Variants in HEG1 observed in about 807,000 individuals in gnomAD.
The protein encoded by HEG1 is protein HEG homolog 1.
HEG1 carries 56 observed loss-of-function variants against 125.6 expected under a neutral mutation model. That is an observed-to-expected ratio of 0.45 (90% CI 0.36 to 0.56). The LOEUF (loss-of-function observed/expected upper bound fraction) is 0.56, where lower values mean the gene tolerates loss of function less well. Among genes scored for constraint, HEG1 ranks in the 20% least tolerant of loss-of-function variants. HEG1 has a pLI of 0.00. For synonymous variants in HEG1, 644 were observed against 668.5 expected, an observed-to-expected ratio of 0.96 and a Z score of 0.57; for missense variants, 1,523 against 1,670.0, an observed-to-expected ratio of 0.91 and a Z score of 1.53.
At chr3:125,040,498 G>A (rs921341382) in intron 1 of HEG1, among the ~76,000 whole-genome samples, 4 of 152,162 alleles carry the variant, frequency 2.6e-5, no homozygotes, top group African/African-American at 9.7e-5. Context: ...GTAAGACACT[G>A]ATGCTCAGCT....
chr3:125,052,214 A>G lies in HEG1; in HGVS notation c.316+3361T>C, dbSNP rs186925031. Among the ~76,000 whole-genome samples the G allele has an allele frequency of 3.5e-4, 51 of 147,130 alleles. 1 individual carries two copies. The East Asian group carries it at 9.3e-3, about 27-fold the overall frequency. ...GGAATCCCCACTACCACCACCCCCA[A>G]GCCTCCGCCAGGAGTGAGGTAGCCG... On this transcript the variant is annotated intron_variant, in intron 1 of 16. Coordinates refer to ENST00000311127, the MANE Select transcript of HEG1 (RefSeq NM_020733.2).
rs77828526 is a variant in HEG1 at position 125,043,492 on chromosome 3, A to T, written c.316+12083T>A. On this transcript the variant is annotated intron_variant, in intron 1 of 16. Coordinates refer to ENST00000311127, the MANE Select transcript of HEG1 (RefSeq NM_020733.2). ...CAGAAGATTCCCAGTTGGTTAAATA[A>T]GTGAACAAAAAGGCTTTCTGCAGGG... 6.8e-3 allele frequency among the ~76,000 whole-genome samples: 1,031 copies of T among 152,288 alleles called. 10 individuals carry two copies. The highest frequency in any genetic ancestry group is 0.024 in the African/African-American group (991 of 41,552).
At chr3:124,970,957 T>C in intron 16 of HEG1, 156 bp from the exon 17 acceptor site, 1 of 694,258 alleles carries the variant, frequency 1.4e-6, no homozygotes, top group Non-Finnish European at 2.4e-6. Context: ...TTTTAAAGTA[T>C]CTTTCTCTCT....
Position 124,970,786 on chromosome 3 carries a change from T to A in HEG1, c.4012A>T (p.Asn1338Tyr), listed in dbSNP as rs922426827. 3 of 1,609,500 alleles carry A rather than the reference T, an allele frequency of 1.9e-6. No homozygotes were observed. Among genetic ancestry groups the A allele is most frequent in the Non-Finnish European group, 2.5e-6 (3 of 1,178,054 alleles). ...DVYYSPTSVRNPELERNGLYP... is the reference protein window; with the variant it reads ...DVYYSPTSVRYPELERNGLYP... ...AGTCCGTTTCGTTCAAGTTCTGGAT[T>A]CCTTACACTTGTAGGCTGGTTGCCA... Residue 1338 changes from asparagine (N) to tyrosine (Y), a missense_variant, in exon 17 of 17, where the codon AAT becomes TAT. Physicochemically the swap from Asn to Tyr is moderately radical, Grantham distance 143 (BLOSUM62 -2). Coordinates refer to ENST00000311127, the MANE Select transcript of HEG1 (RefSeq NM_020733.2).
chr3:125,001,918 C>T lies in HEG1; in HGVS notation c.3451G>A (p.Val1151Ile). The T allele has an allele frequency of 6.2e-7, 1 of 1,613,888 alleles. No homozygotes were observed. Among genetic ancestry groups the T allele is most frequent in the Non-Finnish European group, 8.5e-7 (1 of 1,179,850 alleles). ...TCAGCAGAGGACTTGCAGGAGTTGA[C>T]ACATTTCTGCATCCTATCAGCCAGG... ...FDLADRMQKC[V>I]NSCKSSAEVC... The change falls in exon 11 of 17, where the codon GTC becomes ATC. Residue 1151 changes from valine to isoleucine, a missense_variant. Transcript: ENST00000311127.
chr3:125,021,094 C>A lies in HEG1; in HGVS notation c.950G>T (p.Gly317Val). Residue 317 changes from glycine (G) to valine (V), a missense_variant, in exon 4 of 17, where the codon GGC becomes GTC. Coordinates refer to ENST00000311127, the MANE Select transcript of HEG1 (RefSeq NM_020733.2). ...ESTEKLNNST[G>V]LQSSSVSQTK... ...TTGACTGACTGAGGAGCTCTGGAGG[C>A]CAGTGGAGTTGTTAAGCTTCTCTGT... The A allele has an allele frequency of 3.1e-6, 5 of 1,590,778 alleles. No homozygotes were observed. Among genetic ancestry groups the A allele is most frequent in the Non-Finnish European group, 4.3e-6 (5 of 1,167,718 alleles).
intron 14 of HEG1, among the ~76,000 whole-genome samples, chr3:124,983,346 C>A (rs1165154735): frequency 6.6e-6 from 1 of 151,428 alleles, no homozygotes; most frequent in East Asian, 1.9e-4. Context: ...ATTTTTTAAT[C>A]TTTTTTTTGA....
At chr3:125,035,110 G>T (rs1045851521) in intron 1 of HEG1, among the ~76,000 whole-genome samples, 4 of 152,092 alleles carry the variant, frequency 2.6e-5, no homozygotes, top group Admixed American at 6.5e-5. Flanking sequence ...GATTACAGGT[G>T]TGCCATCACA....
intron 14 of HEG1, among the ~76,000 whole-genome samples, chr3:124,981,912 A>T (rs1936662236): frequency 6.7e-6 from 1 of 148,768 alleles, no homozygotes; most frequent in Non-Finnish European, 1.5e-5. Flanking sequence ...ACACATACAT[A>T]TTTTTTTTTT....
chr3:125,029,487 A>C lies in HEG1; in HGVS notation c.318T>G (p.Asp106Glu). 1.9e-6 allele frequency: 3 copies of C among 1,593,152 alleles called. No homozygotes were observed. Among genetic ancestry groups the C allele is most frequent in the Non-Finnish European group, 2.6e-6 (3 of 1,174,498 alleles). The stretch of plus-strand genomic sequence containing the variant: ...TTTCTGGCCAATGTTTCCAGGCAGC[A>C]TCTGAAAGAAGAAGAGGATGCATCA... ...SGRAPRGGSA[D>E]AAWKHWPESN... Residue 106 changes from aspartate to glutamate, a missense_variant and splice_region_variant, in exon 2 of 17, where the codon GAT (aspartate) becomes GAG (glutamate). Physicochemically the swap from Asp to Glu is conservative, Grantham distance 45. Coordinates refer to ENST00000311127, the MANE Select transcript of HEG1 (RefSeq NM_020733.2).
intron 8 of HEG1, 61 bp from the exon 9 acceptor site, chr3:125,005,429 G>T: frequency 1.1e-6 from 1 of 885,864 alleles, no homozygotes; most frequent in Non-Finnish European, 1.8e-6. Context: ...AAGGCTGTGT[G>T]TTTGCACATC....
At chr3:124,991,020 T>C in intron 12 of HEG1, 34 bp from the exon 13 acceptor site, 1 of 1,517,752 alleles carries the variant, frequency 6.6e-7, no homozygotes, top group Non-Finnish European at 8.9e-7. Context: ...TGAGTGTGTC[T>C]ATTTACCTCT....
chr3:125,036,634 G>C (rs1412325860), intron 1 of HEG1, among the ~76,000 whole-genome samples: 2 of 152,148 alleles, frequency 1.3e-5, no homozygotes, highest in East Asian at 3.9e-4. Flanking sequence ...TCCCTAAGAT[G>C]TACCCCTTGT....
chr3:124,988,521 A>G (rs1936779904), intron 14 of HEG1, among the ~76,000 whole-genome samples: 1 of 152,174 alleles, frequency 6.6e-6, no homozygotes, highest in South Asian at 2.1e-4. Context: ...ATTGGAGTGA[A>G]GGGCCGTGCT....
At position 125,013,333 on chromosome 3, in the gene HEG1, C is replaced by G. The variant is rs200873974; in HGVS notation, c.2246G>C (p.Arg749Thr). 1.4e-4 allele frequency: 234 copies of G among 1,613,802 alleles called. No homozygotes were observed. The highest frequency in any genetic ancestry group is 1.7e-4 in the Non-Finnish European group (204 of 1,179,890). Residue 749 changes from arginine to threonine, a missense_variant, in exon 6 of 17, where the codon AGG (arginine) becomes ACG (threonine). By Grantham distance (71) the Arg-to-Thr change is moderately conservative. Coordinates refer to ENST00000311127, the MANE Select transcript of HEG1 (RefSeq NM_020733.2). The part of the protein sequence containing the change: ...PQSSSTPVLP[R>T]ARETPVTSFQ... ...TGAAGTCACAGGAGTCTCCCTTGCC[C>G]TGGGCAGGACAGGGGTAGAAGATGA...
chr3:125,053,657 C>T (rs1404116355), intron 1 of HEG1, among the ~76,000 whole-genome samples: 1 of 152,216 alleles, frequency 6.6e-6, no homozygotes, highest in African/African-American at 2.4e-5. Context: ...GGGATTCTCA[C>T]ATGTATTCCT....
At chr3:125,007,489 A>G (rs570704895) in intron 8 of HEG1, among the ~76,000 whole-genome samples, 3 of 152,344 alleles carry the variant, frequency 2.0e-5, no homozygotes, top group South Asian at 4.1e-4. Context: ...GGAAAGAGCC[A>G]TAATTATTAC....
intron 3 of HEG1, among the ~76,000 whole-genome samples, chr3:125,022,738 C>T (rs1283428465): frequency 6.6e-6 from 1 of 151,810 alleles, no homozygotes; most frequent in East Asian, 1.9e-4. Flanking sequence ...ATAGATATGC[C>T]CCAAATCCTC....
At chr3:124,977,044 G>T (rs893705568) in intron 15 of HEG1, among the ~76,000 whole-genome samples, 1 of 151,706 alleles carries the variant, frequency 6.6e-6, no homozygotes, top group Non-Finnish European at 1.5e-5. Context: ...GAATCATGGG[G>T]GTGGGTCTTT....
Sources: allele counts gnomAD v4.1 joint callset (sites outside exome capture counted in the v4.1 genomes callset), GRCh38; gene constraint gnomAD v4.1.1; transcripts MANE v1.5; gene names NCBI Gene and HGNC (gene_info 2026-07-23, HGNC 2026-07-21).